MEF2A: variants seen among roughly 807,000 people sequenced by gnomAD.
The protein encoded by MEF2A is myocyte-specific enhancer factor 2A.
MEF2A carries 28 observed loss-of-function variants against 55.8 expected under a neutral mutation model. The ratio of observed to expected loss-of-function variants is 0.50; its 90% CI spans 0.37 to 0.69. The LOEUF is 0.69. Ranked by LOEUF, MEF2A falls within the 30% of genes least tolerant of loss-of-function variation. MEF2A has a pLI of 0.00. For missense variants in MEF2A, 528 were observed against 626.2 expected, an observed-to-expected ratio of 0.84 and a Z score of 1.67; for synonymous variants, 239 against 227.1, an observed-to-expected ratio of 1.05 and a Z score of -0.47.
intron 2 of MEF2A, among the ~76,000 whole-genome samples, chr15:99,626,445 T>A (rs1479598017): frequency 6.6e-6 from 1 of 152,132 alleles, no homozygotes; most frequent in Non-Finnish European, 1.5e-5. Flanking sequence ...TTTTTTTCCG[T>A]TGTTTTTCTG....
chr15:99,630,493 C>CTT (rs35285959), intron 2 of MEF2A, among the ~76,000 whole-genome samples: 1 of 151,988 alleles, frequency 6.6e-6, no homozygotes, highest in South Asian at 2.1e-4. Flanking sequence ...TTGTTTTAAA[C>CTT]TTTTTTCTGA....
At chr15:99,684,165 A>G in intron 7 of MEF2A, among the ~76,000 whole-genome samples, 1 of 152,160 alleles carries the variant, frequency 6.6e-6, no homozygotes. Context: ...CAATTGCAAA[A>G]TGTGCTGCTA....
chr15:99,695,277 T>A (rs1465420266), intron 8 of MEF2A, among the ~76,000 whole-genome samples: 1 of 152,120 alleles, frequency 6.6e-6, no homozygotes, highest in African/African-American at 2.4e-5. Flanking sequence ...ACTCTACACA[T>A]GATGTAAATA....
intron 8 of MEF2A, among the ~76,000 whole-genome samples, chr15:99,699,851 G>A (rs1258250038): frequency 6.6e-6 from 1 of 151,946 alleles, no homozygotes; most frequent in Non-Finnish European, 1.5e-5. Flanking sequence ...GGTTTCTCAT[G>A]GTTGGAGGAG....
rs529355673 is a variant in MEF2A, at chr15:99,691,093, G to A, written c.858+665G>A. On this transcript the variant is annotated intron_variant, in intron 8 of 11. Transcript: ENST00000557942. ...ACCCCATTAATATGTAACACCTTTCGAATCAGGTTTTTTTTTTTTTTTTTG... is the reference window on the plus strand; with the variant it reads ...ACCCCATTAATATGTAACACCTTTCAAATCAGGTTTTTTTTTTTTTTTTTG... 3.3e-3 allele frequency among the ~76,000 whole-genome samples: 449 copies of A among 135,070 alleles called. 4 individuals carry two copies. The highest frequency in any genetic ancestry group is 0.012 in the African/African-American group (427 of 35,950). 88.6% of individuals were successfully genotyped at this position (135,070 alleles called of 152,430 possible).
chr15:99,668,645 T>C (rs1201090690), intron 4 of MEF2A, among the ~76,000 whole-genome samples: 1 of 146,142 alleles, frequency 6.8e-6, no homozygotes, highest in African/African-American at 2.6e-5. Context: ...TCTCTCATAG[T>C]GGTGACCTTT....
chr15:99,622,702 C>CTTTTTTTTTTTTTTTTTTTTTTTTTTTT (rs56054040), intron 2 of MEF2A, among the ~76,000 whole-genome samples: 4 of 135,698 alleles, frequency 2.9e-5, no homozygotes, highest in Non-Finnish European at 3.1e-5. Context: ...GTTTTCTTTT[C>CTTTTTTTTTTTTTTTTTTTTTTTTTTTT]TTTTTTTTTT....
chr15:99,705,310 A>G lies in MEF2A; in HGVS notation c.883-1419A>G, dbSNP rs574096497. Reference sequence around the variant, plus strand: ...ATATGTATCTTTTTTCCCACCAGTTATATAGAAATTTGGGACAGAGGGTTT... The same window carrying G: ...ATATGTATCTTTTTTCCCACCAGTTGTATAGAAATTTGGGACAGAGGGTTT... On this transcript the variant is annotated intron_variant, in intron 9 of 11. Coordinates refer to ENST00000557942, the MANE Select transcript of MEF2A (RefSeq NM_001319206.4). Among the ~76,000 whole-genome samples, 112 of 152,342 alleles carry G rather than the reference A, an allele frequency of 7.4e-4. 1 individual carries two copies. In the South Asian group the frequency reaches 0.023, roughly 31 times the overall value.
intron 4 of MEF2A, among the ~76,000 whole-genome samples, chr15:99,665,731 C>CAAAAAAAAAAAAAAA (rs752473261): frequency 4.0e-4 from 8 of 20,252 alleles, no homozygotes; most frequent in Non-Finnish European, 5.9e-4. Flanking sequence ...CTTAAATTTA[C>CAAAAAAAAAAAAAAA]AAAAAAAAAA....
intron 2 of MEF2A, among the ~76,000 whole-genome samples, chr15:99,606,305 A>G (rs891887654): frequency 1.3e-5 from 2 of 152,214 alleles, no homozygotes. Context: ...AAGCTAATAT[A>G]GATGAACAGG....
intron 7 of MEF2A, among the ~76,000 whole-genome samples, chr15:99,676,633 C>T (rs905285762): frequency 1.3e-5 from 2 of 151,152 alleles, no homozygotes; most frequent in East Asian, 4.0e-4. Context: ...AGTGCAGTGG[C>T]GCCATCTCCG....
At chr15:99,573,050 A>G (rs187617719) in intron 1 of MEF2A, among the ~76,000 whole-genome samples, 202 of 152,308 alleles carry the variant, frequency 1.3e-3, no homozygotes, top group Non-Finnish European at 2.5e-3. Flanking sequence ...GCACTTTGGG[A>G]GGCCGAGGCG....
chr15:99,673,178 T>A (rs1339973937), intron 5 of MEF2A, among the ~76,000 whole-genome samples: 1 of 152,160 alleles, frequency 6.6e-6, no homozygotes, highest in Admixed American at 6.5e-5. Context: ...AGTTTTGGAT[T>A]TTGGATTTTC....
intron 1 of MEF2A, among the ~76,000 whole-genome samples, chr15:99,575,112 C>A (rs902000999): frequency 6.6e-6 from 1 of 151,936 alleles, no homozygotes; most frequent in Non-Finnish European, 1.5e-5. Context: ...TTGCACACAT[C>A]AAGTTCCCTT....
intron 8 of MEF2A, among the ~76,000 whole-genome samples, chr15:99,698,464 T>TATA (rs1320517020): frequency 1.3e-5 from 2 of 152,124 alleles, no homozygotes; most frequent in African/African-American, 4.8e-5. Context: ...CCTAATGAGA[T>TATA]ATAACTGCAC....
At chr15:99,710,788 C>G in intron 11 of MEF2A, 28 bp downstream of exon 11, 5 of 1,587,698 alleles carry the variant, frequency 3.1e-6, no homozygotes, top group Non-Finnish European at 4.3e-6. Context: ...TTCCCTGCAT[C>G]TTTACTCCTG....
intron 4 of MEF2A, among the ~76,000 whole-genome samples, chr15:99,669,516 G>A (rs1423739245): frequency 1.3e-5 from 2 of 152,164 alleles, no homozygotes; most frequent in Non-Finnish European, 2.9e-5. Context: ...GACCTTTTAT[G>A]GCCAAGCACA....
intron 10 of MEF2A, among the ~76,000 whole-genome samples, chr15:99,709,687 T>A (rs925954281): frequency 6.6e-6 from 1 of 152,186 alleles, no homozygotes; most frequent in Non-Finnish European, 1.5e-5. Flanking sequence ...TGGAACCAAG[T>A]GAGAAAGACA....
chr15:99,593,698 G>A (rs1206894836), intron 1 of MEF2A, among the ~76,000 whole-genome samples: 2 of 152,158 alleles, frequency 1.3e-5, no homozygotes, highest in African/African-American at 4.8e-5. Context: ...GTTTTTGAAT[G>A]TAAGGTAGTT....
Sources: gnomAD v4.1 joint callset for allele counts (sites outside exome capture counted in the v4.1 genomes callset) on GRCh38, gnomAD v4.1.1 for gene constraint, MANE v1.5 for transcripts, NCBI Gene and HGNC (gene_info 2026-07-23, HGNC 2026-07-21) for gene names.